RPL35A: variants seen among roughly 807,000 people sequenced by gnomAD.
RPL35A encodes large ribosomal subunit protein eL33.
In RPL35A, 1 loss-of-function variant was observed where a neutral mutation model predicts 16.7. The observed-to-expected ratio is 0.06, with a 90% CI of 0.02 to 0.28. The LOEUF is 0.28. Ranked by LOEUF, RPL35A falls within the 10% of genes least tolerant of loss-of-function variation. The pLI is 1.00. For missense variants in RPL35A, 91 were observed against 138.7 expected, an observed-to-expected ratio of 0.66 and a Z score of 1.73; for synonymous variants, 58 against 47.0, an observed-to-expected ratio of 1.23 and a Z score of -0.96.
At chr3:197,955,429 A>G (rs1364432100) in intron 4 of RPL35A, among the ~76,000 whole-genome samples, 1 of 151,528 alleles carries the variant, frequency 6.6e-6, no homozygotes, top group African/African-American at 2.4e-5. Flanking sequence ...TGCCCAGCTG[A>G]TTTTTGTATT....
At chr3:197,954,556 C>G (rs965673893) in intron 4 of RPL35A, 1 of 316,454 alleles carries the variant, frequency 3.2e-6, no homozygotes. Context: ...GTCACGCAGG[C>G]TGGAGTGCAG....
At chr3:197,953,899 T>G in intron 3 of RPL35A, 104 bp from the exon 4 acceptor site, 1 of 1,098,418 alleles carries the variant, frequency 9.1e-7, no homozygotes, top group Non-Finnish European at 1.4e-6. Context: ...TCTCAGGTGA[T>G]GAAGTGGGTA....
At position 197,955,767 on chromosome 3, in the gene RPL35A, G is replaced by A. The variant is rs754407977; in HGVS notation, c.327G>A (p.Arg109=). 3.3e-5 allele frequency: 53 copies of A among 1,606,270 alleles called. No individual in the cohort carries two copies. The highest frequency in any genetic ancestry group is 4.3e-5 in the Non-Finnish European group (50 of 1,174,866). The change falls in exon 5 of 5, where the codon AGG becomes AGA. Residue 109 remains arginine (R), a synonymous_variant. Transcript: ENST00000647248. ...CCCTGCAGATGCTGTACCCCTCAAG[G>A]ATTTAAACTAACGAAAAATCAATAA... The part of the protein sequence containing the change: ...HRIRVMLYPS[R]I
At position 197,955,892 on chromosome 3, in the gene RPL35A, A is replaced by C. The variant is rs1218531388; in HGVS notation, c.*119A>C. 6 of 872,908 alleles carry C rather than the reference A, an allele frequency of 6.9e-6. No homozygotes were observed. In the African/African-American group the frequency reaches 9.9e-5, roughly 14 times the overall value. The allele number at this position is 872,908 out of a possible 1,614,324, so 54.1% of individuals were successfully genotyped here. A position where few individuals can be genotyped will look rare whatever the true frequency, so the allele number is the denominator to read the frequency against. ...CTTAAAATGATAGAGGTTGCTCAGCATTTTTGGAGTACAAGGGGGTCAGAG... is the reference window on the plus strand; with the variant it reads ...CTTAAAATGATAGAGGTTGCTCAGCCTTTTTGGAGTACAAGGGGGTCAGAG... On this transcript the variant is annotated 3_prime_UTR_variant, in exon 5 of 5. Transcript: ENST00000647248.
chr3:197,953,738 T>C (rs888174165), intron 3 of RPL35A: 2 of 542,674 alleles, frequency 3.7e-6, no homozygotes, highest in East Asian at 3.4e-5. Flanking sequence ...GCCTCTGTTA[T>C]CATCTGACCT....
rs1051080204 is a variant in RPL35A at position 197,950,234 on chromosome 3, T to A, written c.-33+13T>A. 5.8e-5 allele frequency: 71 copies of A among 1,230,884 alleles called. 1 individual carries two copies. Among genetic ancestry groups the A allele is most frequent in the Admixed American group, 8.4e-5 (2 of 23,678 alleles). 76.2% of individuals were successfully genotyped at this position (1,230,884 alleles called of 1,614,324 possible). ...GGCTCCTGTGGAGGTGAGTGAAGGGTCTGCTGCTGAAATTTGGGGGCAAAT... is the reference window on the plus strand; with the variant it reads ...GGCTCCTGTGGAGGTGAGTGAAGGGACTGCTGCTGAAATTTGGGGGCAAAT... On this transcript the variant is annotated intron_variant, in intron 1 of 4. Transcript: ENST00000647248.
At chr3:197,953,293 T>C (rs1195399388) in intron 3 of RPL35A, among the ~76,000 whole-genome samples, 1 of 152,178 alleles carries the variant, frequency 6.6e-6, no homozygotes, top group African/African-American at 2.4e-5. Flanking sequence ...GGAGGATTGC[T>C]TGATGCCAGG....
At chr3:197,953,506 T>C (rs777713533) in intron 3 of RPL35A, 1 of 456,482 alleles carries the variant, frequency 2.2e-6, no homozygotes, top group South Asian at 1.6e-5. Flanking sequence ...AACCCCTTGG[T>C]GTCTTCAGTC....
chr3:197,953,983 C>T lies in RPL35A; in HGVS notation c.165-20C>T, dbSNP rs1345784768. 3.7e-6 allele frequency: 6 copies of T among 1,611,980 alleles called. No homozygotes were observed. Among genetic ancestry groups the T allele is most frequent in the Non-Finnish European group, 5.1e-6 (6 of 1,179,746 alleles). On this transcript the variant is annotated intron_variant, in intron 3 of 4. Transcript: ENST00000647248. The stretch of plus-strand genomic sequence containing the variant: ...AACTATATCAGCTTGTATTCCTCTT[C>T]TTTCCCTTTTTAAAATCAGCAACAC...
chr3:197,954,992 A>G (rs1438004313), intron 4 of RPL35A, among the ~76,000 whole-genome samples: 1 of 152,176 alleles, frequency 6.6e-6, no homozygotes, highest in African/African-American at 2.4e-5. Flanking sequence ...TCATGTTCCT[A>G]GGTCTCAGGT....
intron 3 of RPL35A, chr3:197,953,443 A>G (rs1464413159): frequency 8.8e-6 from 4 of 456,642 alleles, no homozygotes; most frequent in African/African-American, 8.0e-5. Flanking sequence ...TCTCTCATTC[A>G]GTAAAAGCCC....
At chr3:197,950,600 CGT>C in intron 1 of RPL35A, 1 of 382,418 alleles carries the variant, frequency 2.6e-6, no homozygotes, top group East Asian at 5.1e-5. Flanking sequence ...AAAAGTCTTA[CGT>C]GTGTGTTTCT....
intron 4 of RPL35A, among the ~76,000 whole-genome samples, chr3:197,955,505 G>A (rs1224623590): frequency 6.6e-6 from 1 of 152,064 alleles, no homozygotes; most frequent in Non-Finnish European, 1.5e-5. Context: ...CTTAGGATCT[G>A]CCCGCCTAGG....
Position 197,956,443 on chromosome 3 carries a change from G to A in RPL35A, c.*670G>A, listed in dbSNP as rs1413908597. ...AGCCATATTACTCCACTCATAAAAAGCAATCCTATGGTAGGTACATGGAGG... is the reference window on the plus strand; with the variant it reads ...AGCCATATTACTCCACTCATAAAAAACAATCCTATGGTAGGTACATGGAGG... On this transcript the variant is annotated 3_prime_UTR_variant, in exon 5 of 5. Coordinates refer to ENST00000647248, the MANE Select transcript of RPL35A (RefSeq NM_000996.4). 6.6e-6 allele frequency: 1 copy of A among 152,516 alleles called. No homozygotes were observed. The highest frequency in any genetic ancestry group is 2.4e-5 in the African/African-American group (1 of 41,430). 9.4% of individuals were successfully genotyped at this position (152,516 alleles called of 1,614,324 possible). A position where few individuals can be genotyped will look rare whatever the true frequency, so the allele number is the denominator to read the frequency against.
At chr3:197,951,650 G>A (rs1720100225) in intron 3 of RPL35A, 1 of 317,652 alleles carries the variant, frequency 3.1e-6, no homozygotes, top group Admixed American at 4.5e-5. Flanking sequence ...ACCGCGCCTG[G>A]CCTCATTATC....
At chr3:197,953,877 G>A (rs1021534942) in intron 3 of RPL35A, 126 bp from the exon 4 acceptor site, 1 of 831,634 alleles carries the variant, frequency 1.2e-6, no homozygotes, top group African/African-American at 1.7e-5. Context: ...GGTGTTCTAG[G>A]CATTTAAAGT....
intron 4 of RPL35A, among the ~76,000 whole-genome samples, chr3:197,954,632 C>T (rs1489504077): frequency 6.6e-6 from 1 of 152,144 alleles, no homozygotes; most frequent in African/African-American, 2.4e-5. Context: ...GCCTCAGCCT[C>T]CCGAGTAGCT....
At chr3:197,953,297 T>C (rs1172552220) in intron 3 of RPL35A, among the ~76,000 whole-genome samples, 1 of 152,174 alleles carries the variant, frequency 6.6e-6, no homozygotes, top group Non-Finnish European at 1.5e-5. Flanking sequence ...GATTGCTTGA[T>C]GCCAGGAGAT....
chr3:197,951,201 C>G lies in RPL35A; in HGVS notation c.54C>G (p.Leu18=). The change falls in exon 3 of 5, where the codon CTC becomes CTG. Residue 18 remains leucine (L), a synonymous_variant. Transcript: ENST00000647248. ...TTTTTGCTGGCTATAAGCGGGGTCT[C>G]CGGAACCAAAGGGAGCACACAGCTC... ...KAIFAGYKRG[L]RNQREHTALL... The G allele has an allele frequency of 1.2e-6, 2 of 1,614,062 alleles. No individual in the cohort carries two copies. The highest frequency in any genetic ancestry group is 1.6e-4 in the Middle Eastern group (1 of 6,062).
Sources: allele counts gnomAD v4.1 joint callset (sites outside exome capture counted in the v4.1 genomes callset), GRCh38; gene constraint gnomAD v4.1.1; transcripts MANE v1.5; gene names NCBI Gene and HGNC (gene_info 2026-07-23, HGNC 2026-07-21).